The following PRKX variants were observed in gnomAD, a reference collection of about 807,000 sequenced individuals.
The protein encoded by PRKX is cAMP-dependent protein kinase catalytic subunit PRKX.
Under a neutral mutation model 22.0 loss-of-function variants are expected in PRKX, and 12 were observed. The observed-to-expected ratio is 0.54, with a 90% confidence interval of 0.35 to 0.88. The LOEUF (loss-of-function observed/expected upper bound fraction) is 0.88, where lower values mean the gene tolerates loss of function less well. Ranked by LOEUF, PRKX falls within the 40% of genes least tolerant of loss-of-function variation. The pLI is 0.01. For missense variants in PRKX, 217 were observed against 308.0 expected, an observed-to-expected ratio of 0.70 and a Z score of 2.21; for synonymous variants, 134 against 137.7, an observed-to-expected ratio of 0.97 and a Z score of 0.19.
intron 1 of PRKX, among the ~76,000 whole-genome samples, chrX:3,677,429 A>C (rs1265279769): frequency 9.4e-6 from 1 of 106,711 alleles, no homozygotes; most frequent in Non-Finnish European, 1.9e-5. Flanking sequence ...TGCCAGGCTC[A>C]AGTGACCCTC....
rs191308445 is a variant in PRKX, at chrX:3,679,048, G to A, written c.167-4282C>T. Among the ~76,000 whole-genome samples, 464 of 111,755 alleles carry A rather than the reference G, an allele frequency of 4.2e-3. 1 individual carries two copies. The highest frequency in any genetic ancestry group is 0.028 in the Middle Eastern group (6 of 215). ...GTAGTGTTATGCACGAGGGAAATCAGATGTGGAGTTTATGTCTTTTCTTTT... is the reference window on the plus strand; with the variant it reads ...GTAGTGTTATGCACGAGGGAAATCAAATGTGGAGTTTATGTCTTTTCTTTT... On this transcript the variant is annotated intron_variant, in intron 1 of 8. Coordinates refer to ENST00000262848, the MANE Select transcript of PRKX (RefSeq NM_005044.5).
At chrX:3,624,516 C>T (rs145469115) in intron 5 of PRKX, among the ~76,000 whole-genome samples, 2,468 of 111,027 alleles carry the variant, frequency 0.022, 71 homozygotes, top group African/African-American at 0.076. Context: ...ACTTTGATTA[C>T]GCTTCTGGTT....
intron 2 of PRKX, 102 bp downstream of exon 2, chrX:3,674,496 T>A: frequency 1.2e-6 from 1 of 861,544 alleles, no homozygotes; most frequent in Non-Finnish European, 1.7e-6. Flanking sequence ...GCCTAAGGCT[T>A]TGCACGCAGG....
At chrX:3,631,736 A>G (rs1194168662) in intron 4 of PRKX, among the ~76,000 whole-genome samples, 11 of 110,907 alleles carry the variant, frequency 9.9e-5, no homozygotes, top group African/African-American at 3.3e-4. Context: ...AGAAGGCCAC[A>G]TGAAGGTGGA....
chrX:3,683,162 T>C (rs1928108891), intron 1 of PRKX, among the ~76,000 whole-genome samples: 1 of 112,005 alleles, frequency 8.9e-6, no homozygotes, highest in South Asian at 3.7e-4. Context: ...TTAACTTCTG[T>C]TATTTTAAGG....
intron 1 of PRKX, among the ~76,000 whole-genome samples, chrX:3,706,485 C>T (rs1928688065): frequency 9.0e-6 from 1 of 110,997 alleles, no homozygotes; most frequent in South Asian, 3.8e-4. Flanking sequence ...CCACACCTGG[C>T]CTCCCTTGAA....
intron 1 of PRKX, among the ~76,000 whole-genome samples, chrX:3,678,595 C>T (rs1928010483): frequency 8.9e-6 from 1 of 112,168 alleles, no homozygotes; most frequent in African/African-American, 3.2e-5. Context: ...CTTTGCGCTA[C>T]CCTGGGAGAT....
intron 1 of PRKX, among the ~76,000 whole-genome samples, chrX:3,676,327 G>T (rs1378243268): frequency 1.8e-5 from 2 of 111,485 alleles, no homozygotes; most frequent in Non-Finnish European, 3.8e-5. Flanking sequence ...AAATCTCACC[G>T]ATCAATATTG....
intron 1 of PRKX, among the ~76,000 whole-genome samples, chrX:3,695,996 G>A (rs777897275): frequency 3.6e-5 from 4 of 111,411 alleles, no homozygotes; most frequent in Non-Finnish European, 7.5e-5. Flanking sequence ...CCCTACTGGT[G>A]AAAGCTTGCA....
chrX:3,685,123 A>G (rs1928150834), intron 1 of PRKX, among the ~76,000 whole-genome samples: 1 of 111,388 alleles, frequency 9.0e-6, no homozygotes, highest in Non-Finnish European at 1.9e-5. Flanking sequence ...GGCCTAAAAT[A>G]ATTCTTGCAT....
intron 1 of PRKX, among the ~76,000 whole-genome samples, chrX:3,709,272 C>T (rs1338421753): frequency 9.1e-6 from 1 of 109,998 alleles, no homozygotes; most frequent in Non-Finnish European, 1.9e-5. Context: ...TGATATTGTC[C>T]CACGGATATG....
intron 1 of PRKX, among the ~76,000 whole-genome samples, chrX:3,708,736 T>C (rs1199411698): frequency 9.2e-6 from 1 of 108,663 alleles, no homozygotes; most frequent in Non-Finnish European, 1.9e-5. Flanking sequence ...TGGTGGCACA[T>C]GCCTGTAATC....
intron 1 of PRKX, among the ~76,000 whole-genome samples, chrX:3,709,729 T>A (rs1186745381): frequency 8.9e-6 from 1 of 112,085 alleles, no homozygotes; most frequent in Non-Finnish European, 1.9e-5. Context: ...GGTAGATGGC[T>A]GCACAGATTC....
intron 1 of PRKX, among the ~76,000 whole-genome samples, chrX:3,689,747 G>A (rs1020060843): frequency 1.2e-4 from 14 of 112,056 alleles, no homozygotes; most frequent in Non-Finnish European, 2.3e-4. Context: ...GGAGGCCAAG[G>A]CGGGCGGATC....
rs759622453 is a variant in PRKX, at chrX:3,606,027, G to C, written c.*2942C>G. 2.7e-5 allele frequency: 3 copies of C among 112,460 alleles called. No individual in the cohort carries two copies. In the East Asian group the frequency reaches 8.4e-4, roughly 31 times the overall value. The allele number at this position is 112,460 out of a possible 1,213,427, so 9.3% of individuals were successfully genotyped here. On this transcript the variant is annotated 3_prime_UTR_variant, in exon 9 of 9. Transcript: ENST00000262848. ...GGCTTTATCAATGCCTATGAAAGCA[G>C]GCCGGTGGCATTTCCCTTCAGAAAA... is the stretch of plus-strand genomic sequence containing the variant.
intron 4 of PRKX, among the ~76,000 whole-genome samples, chrX:3,637,763 C>CTTTTTTTTT (rs68007143): frequency 1.0e-5 from 1 of 98,206 alleles, no homozygotes; most frequent in Non-Finnish European, 2.1e-5. Context: ...CATTTTCTTT[C>CTTTTTTTTT]TTTTTTTTTT....
chrX:3,654,578 A>C (rs1927439920), intron 3 of PRKX, among the ~76,000 whole-genome samples: 1 of 104,602 alleles, frequency 9.6e-6, no homozygotes, highest in African/African-American at 3.5e-5. Flanking sequence ...GGGCTCAAAT[A>C]ATCCTCCAAC....
chrX:3,698,246 C>T (rs1456487332), intron 1 of PRKX, among the ~76,000 whole-genome samples: 1 of 112,093 alleles, frequency 8.9e-6, no homozygotes, highest in Non-Finnish European at 1.9e-5. Flanking sequence ...ATCGTATATG[C>T]TGGCATACCA....
At chrX:3,628,613 G>A (rs1163413944) in intron 4 of PRKX, among the ~76,000 whole-genome samples, 1 of 111,664 alleles carries the variant, frequency 9.0e-6, no homozygotes, top group East Asian at 2.8e-4. Context: ...GTGCATATGT[G>A]TGGTCCCAGC....
Sources: allele counts gnomAD v4.1 joint callset (sites outside exome capture counted in the v4.1 genomes callset), GRCh38; gene constraint gnomAD v4.1.1; transcripts MANE v1.5; gene names NCBI Gene and HGNC (gene_info 2026-07-23, HGNC 2026-07-21).